PATJ: variants seen among roughly 807,000 people sequenced by gnomAD.
The protein encoded by PATJ is inaD-like protein.
PATJ carries 190 observed loss-of-function variants against 224.9 expected under a neutral mutation model. That is an observed-to-expected ratio of 0.84 (90% CI 0.75 to 0.95). The LOEUF is 0.95. Among genes scored for constraint, PATJ ranks in the 40% least tolerant of loss-of-function variants. PATJ has a pLI of 0.00. For synonymous variants in PATJ, 769 were observed against 820.3 expected, an observed-to-expected ratio of 0.94 and a Z score of 1.07; for missense variants, 2,121 against 2,270.3, an observed-to-expected ratio of 0.93 and a Z score of 1.34.
chr1:62,160,633 A>C (rs1669753558), intron 43 of PATJ, among the ~76,000 whole-genome samples: 2 of 152,328 alleles, frequency 1.3e-5, no homozygotes, highest in African/African-American at 4.8e-5. Flanking sequence ...ATAGTGAAAT[A>C]AGGTTCTACT....
At chr1:62,011,264 A>G (rs1646430574) in intron 28 of PATJ, among the ~76,000 whole-genome samples, 1 of 152,196 alleles carries the variant, frequency 6.6e-6, no homozygotes, top group African/African-American at 2.4e-5. Flanking sequence ...AGCTTTTGAC[A>G]TGCCTTCCTC....
At chr1:61,976,686 G>C (rs1250346236) in intron 27 of PATJ, among the ~76,000 whole-genome samples, 1 of 152,012 alleles carries the variant, frequency 6.6e-6, no homozygotes, top group Non-Finnish European at 1.5e-5. Context: ...GGGATTACAG[G>C]CATGCGCCAG....
At chr1:61,953,033 TA>T (rs1468590883) in intron 27 of PATJ, among the ~76,000 whole-genome samples, 98 of 152,288 alleles carry the variant, frequency 6.4e-4, no homozygotes, top group African/African-American at 2.3e-3. Flanking sequence ...TTAAATTCGT[TA>T]GGGGTGGGGG....
intron 17 of PATJ, among the ~76,000 whole-genome samples, chr1:61,841,452 C>T (rs906740201): frequency 6.6e-6 from 1 of 152,046 alleles, no homozygotes; most frequent in Admixed American, 6.6e-5. Context: ...AGTGGTAACA[C>T]TATAAAGTCA....
chr1:61,787,627 T>C (rs1648833341), intron 7 of PATJ, 127 bp from the exon 8 acceptor site: 3 of 665,546 alleles, frequency 4.5e-6, no homozygotes, highest in Admixed American at 2.6e-5. Context: ...CAGTATTCCA[T>C]TTTATTCAGC....
intron 12 of PATJ, among the ~76,000 whole-genome samples, chr1:61,803,208 C>T (rs1265768951): frequency 2.0e-5 from 3 of 152,044 alleles, no homozygotes; most frequent in Non-Finnish European, 2.9e-5. Context: ...GATAACAATA[C>T]TCCTCTATTA....
At chr1:62,091,302 G>T (rs1660703520) in intron 33 of PATJ, among the ~76,000 whole-genome samples, 1 of 152,186 alleles carries the variant, frequency 6.6e-6, no homozygotes. Flanking sequence ...TGGTTCTTTG[G>T]CATTAGAATT....
chr1:61,763,136 A>G lies in PATJ; in HGVS notation c.146A>G (p.Gln49Arg). ...ACACTAAAGAGTCCTCTCTTCAACC[A>G]GATACTCACACTTCAGCAGTCCATC... ...YETLKSPLFN[Q>R]ILTLQQSIKQ... The change falls in exon 3 of 44, where the codon CAG (glutamine) becomes CGG (arginine). Residue 49 changes from glutamine to arginine, a missense_variant. Gln to Arg is a conservative substitution (Grantham distance 43). Coordinates refer to ENST00000642238, the MANE Select transcript of PATJ (RefSeq NM_001350145.3). 6.2e-7 allele frequency: 1 copy of G among 1,606,390 alleles called. No individual in the cohort carries two copies. The highest frequency in any genetic ancestry group is 8.5e-7 in the Non-Finnish European group (1 of 1,175,852).
intron 17 of PATJ, among the ~76,000 whole-genome samples, chr1:61,834,122 G>A (rs1659790563): frequency 6.6e-6 from 1 of 152,054 alleles, no homozygotes; most frequent in South Asian, 2.1e-4. Flanking sequence ...CCCATTTTAA[G>A]CATACAGTTC....
At chr1:62,112,398 C>T (rs562459266) in intron 34 of PATJ, among the ~76,000 whole-genome samples, 194 of 152,162 alleles carry the variant, frequency 1.3e-3, no homozygotes, top group Non-Finnish European at 2.2e-3. Context: ...CCCAGCTGCT[C>T]GGGAGTCTGA....
chr1:62,085,175 TC>T (rs1659801733), intron 33 of PATJ, among the ~76,000 whole-genome samples: 3 of 152,070 alleles, frequency 2.0e-5, no homozygotes, highest in South Asian at 4.1e-4. Flanking sequence ...GGCAGGAGAA[TC>T]ACTTGAACCC....
chr1:61,940,412 T>C (rs890791474), intron 27 of PATJ, among the ~76,000 whole-genome samples: 2 of 152,144 alleles, frequency 1.3e-5, no homozygotes, highest in Admixed American at 6.6e-5. Context: ...GTGCCACATA[T>C]TGCCATTAGA....
chr1:62,045,372 G>T (rs1019050737), intron 30 of PATJ, among the ~76,000 whole-genome samples: 1 of 148,742 alleles, frequency 6.7e-6, no homozygotes, highest in African/African-American at 2.4e-5. Flanking sequence ...GACAAATGGT[G>T]GATATAAAAA....
chr1:61,800,727 C>A (rs575477189), intron 11 of PATJ, among the ~76,000 whole-genome samples: 19 of 152,278 alleles, frequency 1.2e-4, no homozygotes, highest in African/African-American at 4.6e-4. Context: ...CTATCCCTCC[C>A]CTTCTTCCCA....
chr1:62,150,303 C>T (rs1390238411), intron 42 of PATJ, among the ~76,000 whole-genome samples: 1 of 152,122 alleles, frequency 6.6e-6, no homozygotes, highest in African/African-American at 2.4e-5. Flanking sequence ...AGGACTCAAA[C>T]TTAGAAATGT....
At chr1:61,992,117 CTT>C (rs138874624) in intron 28 of PATJ, among the ~76,000 whole-genome samples, 18 of 136,244 alleles carry the variant, frequency 1.3e-4, no homozygotes, top group East Asian at 2.1e-4. Flanking sequence ...CTGTGGGATT[CTT>C]TTTTTTTTTT....
chr1:62,005,432 T>C (rs1192860920), intron 28 of PATJ, among the ~76,000 whole-genome samples: 1 of 151,260 alleles, frequency 6.6e-6, no homozygotes, highest in South Asian at 2.1e-4. Flanking sequence ...TTTTTTTTTT[T>C]CGTCTGTGTG....
intron 20 of PATJ, chr1:61,865,555 A>G (rs1665284756): frequency 2.6e-5 from 4 of 152,106 alleles, no homozygotes; most frequent in Admixed American, 2.6e-4. Flanking sequence ...AGAGCATTAT[A>G]TTTTAATAGA....
chr1:62,006,975 T>C (rs1302352844), intron 28 of PATJ, among the ~76,000 whole-genome samples: 1 of 152,210 alleles, frequency 6.6e-6, no homozygotes, highest in Non-Finnish European at 1.5e-5. Flanking sequence ...TACTGAATAC[T>C]GTAGGCAACT....
Sources: allele counts gnomAD v4.1 joint callset (sites outside exome capture counted in the v4.1 genomes callset), GRCh38; gene constraint gnomAD v4.1.1; transcripts MANE v1.5; gene names NCBI Gene and HGNC (gene_info 2026-07-23, HGNC 2026-07-21).